Variants in WWOX observed in about 807,000 individuals in gnomAD.
WWOX encodes the protein WW domain containing oxidoreductase, also known as WW domain-containing oxidoreductase.
A neutral mutation model predicts 46.2 loss-of-function variants in WWOX; 69 were observed. The ratio of observed to expected loss-of-function variants is 1.49; its 90% confidence interval spans 1.23 to 1.82. WWOX has a LOEUF of 1.82. Among genes scored for constraint, WWOX ranks in the 40% most tolerant of loss-of-function variants. The pLI is 0.00. For synonymous variants in WWOX, 359 were observed against 202.6 expected (o/e 1.77, Z -6.56); for missense variants, 919 against 542.6 (o/e 1.69, Z -6.89).
intron 4 of WWOX, among the ~76,000 whole-genome samples, chr16:78,126,728 T>C (rs984788583): frequency 2.0e-5 from 3 of 152,218 alleles, no homozygotes; most frequent in Non-Finnish European, 4.4e-5. Flanking sequence ...TTGTCTATTA[T>C]GCCAGCTGCA....
intron 8 of WWOX, among the ~76,000 whole-genome samples, chr16:78,913,909 C>T (rs529247819): frequency 8.3e-4 from 126 of 152,118 alleles, no homozygotes; most frequent in African/African-American, 2.9e-3. Flanking sequence ...GATCCTCCTG[C>T]CTTGGCCTCC....
In WWOX at chr16:78,311,471, C is replaced by T. The variant is rs1209826728; in HGVS notation, c.517-75389C>T. Reference sequence around the variant, plus strand: ...ACCCCCAGGAGCACTGAAGCAGACACTGATTCCTCTGCAGTTGTTGGGCTT... The same window carrying T: ...ACCCCCAGGAGCACTGAAGCAGACATTGATTCCTCTGCAGTTGTTGGGCTT... On this transcript the variant is annotated intron_variant, in intron 5 of 8. Transcript: ENST00000566780. Among the ~76,000 whole-genome samples, 5 of 152,210 alleles carry T rather than the reference C, an allele frequency of 3.3e-5. No individual in the cohort carries two copies. In the East Asian group the frequency reaches 9.6e-4, roughly 29 times the overall value.
intron 6 of WWOX, among the ~76,000 whole-genome samples, chr16:78,417,652 G>A (rs890984136): frequency 1.3e-5 from 2 of 152,144 alleles, no homozygotes; most frequent in Non-Finnish European, 2.9e-5. Flanking sequence ...CAGTGGTCCT[G>A]TCTTACTACA....
chr16:79,093,059 C>A (rs1031448775), intron 8 of WWOX, among the ~76,000 whole-genome samples: 25 of 152,198 alleles, frequency 1.6e-4, no homozygotes, highest in African/African-American at 5.8e-4. Context: ...AGCAGTTCAA[C>A]AGCTGTAAAG....
chr16:79,152,291 A>G (rs1439516355), intron 8 of WWOX, among the ~76,000 whole-genome samples: 1 of 152,110 alleles, frequency 6.6e-6, no homozygotes, highest in African/African-American at 2.4e-5. Context: ...TGCGATGGGG[A>G]ATGCAGGTGG....
rs756101422 is a variant in WWOX, at chr16:79,211,686, TGCTGCC to T, written c.1141_1146del (p.Arg381_Cys382del). 1 of 1,614,244 alleles carries T rather than the reference TGCTGCC, an allele frequency of 6.2e-7. No homozygotes were observed. The highest frequency in any genetic ancestry group is 8.5e-7 in the Non-Finnish European group (1 of 1,180,048). On this transcript the variant is annotated inframe_deletion, in exon 9 of 9. Coordinates refer to ENST00000566780, the MANE Select transcript of WWOX (RefSeq NM_016373.4). ...TCTGGGAGGGATGTACTTCAACAAC[TGCTGCC>T]GCTGCATGCCCTCACCAGAAGCTCA...
chr16:78,798,004 GTC>G (rs1415723660), intron 8 of WWOX, among the ~76,000 whole-genome samples: 7 of 152,080 alleles, frequency 4.6e-5, no homozygotes, highest in Admixed American at 1.3e-4. Flanking sequence ...CAAAAGCAAA[GTC>G]TACTAAAAAT....
chr16:78,814,949 TTTC>T (rs1300654865), intron 8 of WWOX, among the ~76,000 whole-genome samples: 1 of 152,328 alleles, frequency 6.6e-6, no homozygotes, highest in East Asian at 1.9e-4. Context: ...TCTCTTGCCC[TTTC>T]TTCTTCTGGT....
intron 8 of WWOX, among the ~76,000 whole-genome samples, chr16:78,794,048 G>C (rs1277746705): frequency 6.6e-6 from 1 of 152,230 alleles, no homozygotes; most frequent in African/African-American, 2.4e-5. Context: ...GCTGTGGTCA[G>C]AATGTCTGTG....
At chr16:78,586,066 A>G (rs1014057434) in intron 8 of WWOX, among the ~76,000 whole-genome samples, 10 of 152,062 alleles carry the variant, frequency 6.6e-5, no homozygotes, top group African/African-American at 1.9e-4. Flanking sequence ...AAACAGACAA[A>G]CAAAATTAGG....
intron 8 of WWOX, among the ~76,000 whole-genome samples, chr16:79,033,965 C>T (rs1027461862): frequency 6.6e-6 from 1 of 152,064 alleles, no homozygotes; most frequent in Admixed American, 6.6e-5. Flanking sequence ...ACTGACTGGC[C>T]CAGCCAAGGG....
intron 5 of WWOX, among the ~76,000 whole-genome samples, chr16:78,326,585 C>T (rs866995766): frequency 9.7e-6 from 1 of 103,508 alleles, no homozygotes; most frequent in African/African-American, 4.2e-5. Flanking sequence ...CCGCCCCCCC[C>T]CCCCGCAATG....
intron 8 of WWOX, among the ~76,000 whole-genome samples, chr16:78,924,893 C>G (rs532444867): frequency 2.2e-4 from 33 of 152,216 alleles, no homozygotes; most frequent in African/African-American, 7.0e-4. Flanking sequence ...CAATGTTTGT[C>G]TTTTCAAATA....
intron 8 of WWOX, among the ~76,000 whole-genome samples, chr16:78,805,635 C>A (rs1419927024): frequency 6.6e-6 from 1 of 152,148 alleles, no homozygotes; most frequent in Admixed American, 6.5e-5. Context: ...GTGGGATCTA[C>A]TTTGGATTTT....
At chr16:78,569,480 A>AT (rs2044659859) in intron 8 of WWOX, among the ~76,000 whole-genome samples, 1 of 152,230 alleles carries the variant, frequency 6.6e-6, no homozygotes, top group Non-Finnish European at 1.5e-5. Flanking sequence ...AAAAAGTTAA[A>AT]TGTTAATGAT....
chr16:78,884,651 CT>C (rs1388459445), intron 8 of WWOX, among the ~76,000 whole-genome samples: 1 of 152,144 alleles, frequency 6.6e-6, no homozygotes, highest in East Asian at 1.9e-4. Flanking sequence ...CAAACTATTC[CT>C]ATTAGAAGTC....
At chr16:78,109,165 T>G (rs2032337402) in intron 2 of WWOX, among the ~76,000 whole-genome samples, 1 of 152,182 alleles carries the variant, frequency 6.6e-6, no homozygotes, top group Admixed American at 6.5e-5. Context: ...TAGGTGATTC[T>G]GAGATAATGT....
intron 8 of WWOX, among the ~76,000 whole-genome samples, chr16:79,050,569 C>CT (rs2048147591): frequency 6.6e-6 from 1 of 152,152 alleles, no homozygotes; most frequent in East Asian, 1.9e-4. Context: ...AAGCCCGGGG[C>CT]ATGGATCCAG....
chr16:78,334,225 A>C (rs570957178), intron 5 of WWOX, among the ~76,000 whole-genome samples: 4 of 152,324 alleles, frequency 2.6e-5, no homozygotes, highest in African/African-American at 9.6e-5. Context: ...GCTGCCACAA[A>C]CTGCGGCTCG....
Sources: allele counts gnomAD v4.1 joint callset (sites outside exome capture counted in the v4.1 genomes callset), GRCh38; gene constraint gnomAD v4.1.1; transcripts MANE v1.5; gene names NCBI Gene and HGNC (gene_info 2026-07-23, HGNC 2026-07-21).